PTPRD: variants seen among roughly 807,000 people sequenced by gnomAD.
PTPRD encodes receptor-type tyrosine-protein phosphatase delta.
Under a neutral mutation model 214.5 loss-of-function variants are expected in PTPRD, and 34 were observed. The observed-to-expected ratio is 0.16, with a 90% confidence interval of 0.12 to 0.21. The LOEUF (loss-of-function observed/expected upper bound fraction) is 0.21, where lower values mean the gene tolerates loss of function less well. Among genes scored for constraint, PTPRD ranks in the 10% least tolerant of loss-of-function variants. The pLI is 1.00. For synonymous variants in PTPRD, 1,128 were observed against 845.7 expected (o/e 1.33, Z -5.79); for missense variants, 2,545 against 2,398.7 (o/e 1.06, Z -1.27).
intron 10 of PTPRD, among the ~76,000 whole-genome samples, chr9:9,062,578 A>G (rs2099709550): frequency 2.0e-5 from 3 of 151,332 alleles, no homozygotes; most frequent in South Asian, 2.1e-4. Flanking sequence ...CTATCTATCT[A>G]TCTACCTACC....
chr9:9,336,268 T>C (rs1314204385), intron 9 of PTPRD, among the ~76,000 whole-genome samples: 1 of 152,132 alleles, frequency 6.6e-6, no homozygotes, highest in Non-Finnish European at 1.5e-5. Flanking sequence ...GGAAAGAATG[T>C]AGAGATGTTG....
intron 2 of PTPRD, among the ~76,000 whole-genome samples, chr9:10,459,514 C>T (rs1464234987): frequency 6.6e-6 from 1 of 152,174 alleles, no homozygotes; most frequent in South Asian, 2.1e-4. Flanking sequence ...TACACTCCCA[C>T]CAACAGTGTA....
chr9:8,393,099 T>G (rs2090114004), intron 36 of PTPRD, among the ~76,000 whole-genome samples: 1 of 152,192 alleles, frequency 6.6e-6, no homozygotes, highest in Non-Finnish European at 1.5e-5. Flanking sequence ...AGGATGTTTC[T>G]GCTGGGAGGC....
intron 11 of PTPRD, among the ~76,000 whole-genome samples, chr9:8,951,725 G>A (rs1297491881): frequency 6.6e-6 from 1 of 151,970 alleles, no homozygotes; most frequent in African/African-American, 2.4e-5. Context: ...AGTACATCCA[G>A]GGTCTAACTT....
chr9:10,447,021 C>T (rs112523644), intron 2 of PTPRD, among the ~76,000 whole-genome samples: 2,159 of 152,240 alleles, frequency 0.014, 39 homozygotes, highest in African/African-American at 0.046. Context: ...CACTTCATAA[C>T]ATTATAACAA....
intron 30 of PTPRD, among the ~76,000 whole-genome samples, chr9:8,479,120 A>G (rs1422919794): frequency 6.6e-6 from 1 of 152,212 alleles, no homozygotes; most frequent in Non-Finnish European, 1.5e-5. Flanking sequence ...AAACTTGCCA[A>G]CCACGGCAAG....
chr9:9,504,871 T>TA (rs1212909306), intron 8 of PTPRD, among the ~76,000 whole-genome samples: 1 of 151,558 alleles, frequency 6.6e-6, no homozygotes, highest in Non-Finnish European at 1.5e-5. Context: ...AAAAGTAAAT[T>TA]AAAAAACAAT....
chr9:8,722,257 G>C (rs1218420279), intron 12 of PTPRD, among the ~76,000 whole-genome samples: 1 of 151,960 alleles, frequency 6.6e-6, no homozygotes, highest in Non-Finnish European at 1.5e-5. Context: ...TGAGAGCTGT[G>C]AGCATTGCCA....
At chr9:8,456,649 C>A (rs918183495) in intron 33 of PTPRD, among the ~76,000 whole-genome samples, 1 of 152,110 alleles carries the variant, frequency 6.6e-6, no homozygotes, top group African/African-American at 2.4e-5. Context: ...AGACTAAAGA[C>A]ACAAAGCTTG....
intron 9 of PTPRD, among the ~76,000 whole-genome samples, chr9:9,310,943 A>AAATAAATT (rs1555212695): frequency 1.3e-5 from 2 of 151,358 alleles, no homozygotes; most frequent in African/African-American, 4.8e-5. Flanking sequence ...ATAAATAAAT[A>AAATAAATT]AATAAATAAA....
chr9:9,480,770 T>C (rs953990603), intron 8 of PTPRD, among the ~76,000 whole-genome samples: 6 of 152,066 alleles, frequency 3.9e-5, no homozygotes, highest in Non-Finnish European at 8.8e-5. Context: ...AACATTAACA[T>C]CCATCAATAA....
intron 7 of PTPRD, among the ~76,000 whole-genome samples, chr9:9,585,083 C>G (rs910541712): frequency 5.3e-5 from 8 of 152,018 alleles, no homozygotes; most frequent in Admixed American, 4.6e-4. Flanking sequence ...AAGCTGCCTT[C>G]TAGTTTTGGA....
intron 3 of PTPRD, among the ~76,000 whole-genome samples, chr9:10,175,782 G>A (rs16931221): frequency 0.1 from 15,497 of 151,934 alleles, 1,037 homozygotes; most frequent in South Asian, 0.2. Flanking sequence ...TAGCCTTGAC[G>A]TATGAGGTTG....
chr9:9,472,125 A>G (rs1354545850), intron 8 of PTPRD, among the ~76,000 whole-genome samples: 1 of 152,058 alleles, frequency 6.6e-6, no homozygotes, highest in Non-Finnish European at 1.5e-5. Context: ...TTTAATTACA[A>G]AAGGACGTGT....
At chr9:10,393,915 T>A (rs1237207892) in intron 2 of PTPRD, among the ~76,000 whole-genome samples, 2 of 148,366 alleles carry the variant, frequency 1.3e-5, no homozygotes, top group South Asian at 4.2e-4. Context: ...ATATACATTA[T>A]GCTTGATTAT....
In PTPRD at chr9:9,815,329, A is replaced by C. The variant is rs1021321041; in HGVS notation, c.-367-48478T>G. Among the ~76,000 whole-genome samples the C allele has an allele frequency of 5.3e-3, 813 of 152,288 alleles. 3 individuals carry two copies. The highest frequency in any genetic ancestry group is 0.018 in the African/African-American group (756 of 41,564). ...TGGATATTCACAGACAAAGGAATGA[A>C]ACTGGACACTTAACTTACATAGTAC... On this transcript the variant is annotated intron_variant, in intron 5 of 45. Coordinates refer to ENST00000381196, the MANE Select transcript of PTPRD (RefSeq NM_002839.4).
intron 3 of PTPRD, among the ~76,000 whole-genome samples, chr9:10,140,277 T>TG (rs1472073920): frequency 1.3e-5 from 2 of 151,374 alleles, no homozygotes; most frequent in African/African-American, 4.9e-5. Context: ...AGAAAGGACA[T>TG]GGACAGCCAC....
chr9:8,722,495 A>AG (rs2098511502), intron 12 of PTPRD, among the ~76,000 whole-genome samples: 2 of 97,532 alleles, frequency 2.1e-5, no homozygotes, highest in South Asian at 2.6e-4. Flanking sequence ...TAAACAATAA[A>AG]GGGTTTTTTT....
chr9:10,587,476 G>T (rs987839119), intron 2 of PTPRD, among the ~76,000 whole-genome samples: 12 of 151,950 alleles, frequency 7.9e-5, no homozygotes, highest in Non-Finnish European at 1.5e-4. Context: ...AAAAATAATG[G>T]CAATAATAAG....
Sources: gnomAD v4.1 joint callset for allele counts (sites outside exome capture counted in the v4.1 genomes callset) on GRCh38, gnomAD v4.1.1 for gene constraint, MANE v1.5 for transcripts, NCBI Gene and HGNC (gene_info 2026-07-23, HGNC 2026-07-21) for gene names.